The following GVQW3 variants were observed in gnomAD, a reference collection of about 807,000 sequenced individuals.
The protein encoded by GVQW3 is GVQW motif containing 3.
GVQW3 carries 7 observed loss-of-function variants against 12.5 expected under a neutral mutation model. That is an observed-to-expected ratio of 0.56 (90% CI 0.32 to 1.05). The LOEUF (loss-of-function observed/expected upper bound fraction) is 1.05. GVQW3 is among the 50% of genes least tolerant of loss of function. GVQW3 has a pLI of 0.04. For missense variants in GVQW3, 188 were observed against 190.8 expected, an observed-to-expected ratio of 0.99 and a Z score of 0.09; for synonymous variants, 71 against 67.2, an observed-to-expected ratio of 1.06 and a Z score of -0.28.
downstream of GVQW3, chr11:76,411,143 T>G (rs59406877): frequency 0.046 from 6,988 of 152,422 alleles, 202 homozygotes; most frequent in African/African-American, 0.073. Flanking sequence ...CTGGCTGTAC[T>G]GGCCCCAAGT....
intron 1 of GVQW3, chr11:76,389,833 C>T (rs1377693891): frequency 6.6e-6 from 1 of 152,236 alleles, no homozygotes; most frequent in East Asian, 1.9e-4. Context: ...TCCTCCCATA[C>T]TGGGACACTC....
chr11:76,413,889 A>G (rs1947098382), exon 2 of GVQW3: 1 of 152,188 alleles, frequency 6.6e-6, no homozygotes, highest in Admixed American at 6.5e-5. Context: ...ATGCTTTAAA[A>G]ATTGTATTTT....
chr11:76,411,596 G>A (rs764216176), downstream of GVQW3: 1 of 152,168 alleles, frequency 6.6e-6, no homozygotes, highest in Non-Finnish European at 1.5e-5. Context: ...TTCATCAAGG[G>A]TTAACCATAG....
chr11:76,384,714 C>A (rs1012828649), intron 1 of GVQW3, among the ~76,000 whole-genome samples: 3 of 152,226 alleles, frequency 2.0e-5, no homozygotes, highest in Admixed American at 6.5e-5. Context: ...CAAACAACAG[C>A]TTATAGACCT....
intron 1 of GVQW3, among the ~76,000 whole-genome samples, chr11:76,401,039 A>T (rs79233404): frequency 0.065 from 9,704 of 149,378 alleles, 575 homozygotes; most frequent in African/African-American, 0.16. Context: ...ATATATATAT[A>T]TATTTTTTCT....
At position 76,401,971 on chromosome 11, in the gene GVQW3, C is replaced by A. The variant is rs557444658; in HGVS notation, c.466-1689C>A. On this transcript the variant is annotated intron_variant, in intron 1 of 1. Transcript: ENST00000529331. ...TCAATCTTTCTTGCAACTTCTCTAA[C>A]GCCAGGATACAGCTTTTCCAGTCTC... Among the ~76,000 whole-genome samples, 7 of 152,190 alleles carry A rather than the reference C, an allele frequency of 4.6e-5. No homozygotes were observed. The East Asian group carries it at 1.4e-3, about 29-fold the overall frequency.
chr11:76,396,393 C>A (rs1336901179), intron 1 of GVQW3, among the ~76,000 whole-genome samples: 3 of 152,058 alleles, frequency 2.0e-5, no homozygotes, highest in Non-Finnish European at 4.4e-5. Context: ...CAGCTCACTG[C>A]AAACTACGCT....
intron 1 of GVQW3, among the ~76,000 whole-genome samples, chr11:76,397,035 C>T (rs1015547226): frequency 6.9e-5 from 7 of 102,100 alleles, no homozygotes; most frequent in Non-Finnish European, 1.1e-4. Flanking sequence ...GATGGAGTTT[C>T]GCTCTTGTTG....
rs1213622958 is a variant in GVQW3, at chr11:76,403,827, G to A, written c.*69G>A. 5 of 675,650 alleles carry A rather than the reference G, an allele frequency of 7.4e-6. No individual in the cohort carries two copies. Among genetic ancestry groups the A allele is most frequent in the Non-Finnish European group, 1.4e-5 (5 of 368,626 alleles). The allele number at this position is 675,650 out of a possible 1,614,324, so 41.9% of individuals were successfully genotyped here. On this transcript the variant is annotated 3_prime_UTR_variant, in exon 2 of 2. Transcript: ENST00000529331. ...CCAGTCTGAGTCCACAGGCCGAAGA[G>A]CGAGGAGTGCTGATGTACAAGGGCA...
Position 76,407,069 on chromosome 11 carries a change from T to C in GVQW3, c.*3311T>C, listed in dbSNP as rs1333670934. On this transcript the variant is annotated 3_prime_UTR_variant, in exon 2 of 2. Transcript: ENST00000529331. ...ATAAATATGCCCTCCCAGGTTGACA[T>C]CTTGGAAGAGGATAACTCTAAGTTT... The C allele has an allele frequency of 6.6e-6, 1 of 152,044 alleles. No individual in the cohort carries two copies. The highest frequency in any genetic ancestry group is 6.6e-5 in the Admixed American group (1 of 15,266). The allele number at this position is 152,044 out of a possible 1,614,324, so 9.4% of individuals were successfully genotyped here. A position where few individuals can be genotyped will look rare whatever the true frequency, so the allele number is the denominator to read the frequency against.
Position 76,404,478 on chromosome 11 carries a change from C to G in GVQW3, c.*720C>G, listed in dbSNP as rs1437823932. On this transcript the variant is annotated 3_prime_UTR_variant, in exon 2 of 2. Transcript: ENST00000529331. ...GGAGCAAATATTCTGAAAAAGATTCCTCCTGTTTCCTATGGGAGTAGACAG... is the reference window on the plus strand; with the variant it reads ...GGAGCAAATATTCTGAAAAAGATTCGTCCTGTTTCCTATGGGAGTAGACAG... The G allele has an allele frequency of 6.6e-6, 1 of 152,570 alleles. No homozygotes were observed. The highest frequency in any genetic ancestry group is 2.4e-5 in the African/African-American group (1 of 41,468). The allele number at this position is 152,570 out of a possible 1,614,324, so 9.5% of individuals were successfully genotyped here. A position where few individuals can be genotyped will look rare whatever the true frequency, so the allele number is the denominator to read the frequency against.
At chr11:76,390,665 A>T (rs1946882985) in intron 1 of GVQW3, among the ~76,000 whole-genome samples, 1 of 152,090 alleles carries the variant, frequency 6.6e-6, no homozygotes, top group Non-Finnish European at 1.5e-5. Flanking sequence ...CTACTAAAAA[A>T]ATACGAAAAA....
intron 1 of GVQW3, chr11:76,383,277 T>C (rs996245398): frequency 5.3e-5 from 8 of 152,242 alleles, no homozygotes; most frequent in African/African-American, 1.9e-4. Flanking sequence ...TAGTAACTAA[T>C]GCCTATAGTT....
chr11:76,388,382 C>G (rs982955441), intron 1 of GVQW3, among the ~76,000 whole-genome samples: 4 of 152,128 alleles, frequency 2.6e-5, no homozygotes, highest in African/African-American at 9.7e-5. Context: ...GTCTTTTCCC[C>G]TAGAGAGCTC....
At chr11:76,390,413 GTTCAT>G (rs1946880003) in intron 1 of GVQW3, among the ~76,000 whole-genome samples, 1 of 152,158 alleles carries the variant, frequency 6.6e-6, no homozygotes, top group African/African-American at 2.4e-5. Flanking sequence ...TGTTCATTTT[GTTCAT>G]TTCAACAATA....
chr11:76,411,551 A>T (rs1316214088), downstream of GVQW3: 1 of 152,224 alleles, frequency 6.6e-6, no homozygotes, highest in East Asian at 1.9e-4. Flanking sequence ...GTAAATATGT[A>T]TGAGGGTAAC....
intron 1 of GVQW3, chr11:76,392,286 AAG>A (rs1946900099): frequency 6.6e-6 from 1 of 152,260 alleles, no homozygotes; most frequent in South Asian, 2.1e-4. Context: ...CTTCTTATGT[AAG>A]AGAGCCTGGA....
chr11:76,389,683 C>A (rs974757320), intron 1 of GVQW3: 1 of 152,202 alleles, frequency 6.6e-6, no homozygotes, highest in Non-Finnish European at 1.5e-5. Context: ...TAAAATTAAC[C>A]TCCTTTGCAT....
In GVQW3 at chr11:76,406,349, G is replaced by A. The variant is rs1370338553; in HGVS notation, c.*2591G>A. 6.6e-6 allele frequency: 1 copy of A among 152,248 alleles called. No homozygotes were observed. Among genetic ancestry groups the A allele is most frequent in the Admixed American group, 6.5e-5 (1 of 15,270 alleles). 9.4% of individuals were successfully genotyped at this position (152,248 alleles called of 1,614,324 possible). A position where few individuals can be genotyped will look rare whatever the true frequency, so the allele number is the denominator to read the frequency against. Reference sequence around the variant, plus strand: ...AGTAACGATGAAGTCATGAGAGGAGGTTCAATAACTGTGTGCTAGAGTCAT... The same window carrying A: ...AGTAACGATGAAGTCATGAGAGGAGATTCAATAACTGTGTGCTAGAGTCAT... On this transcript the variant is annotated 3_prime_UTR_variant, in exon 2 of 2. Coordinates refer to ENST00000529331, the MANE Select transcript of GVQW3 (RefSeq NM_001347885.2).
Sources: gnomAD v4.1 joint callset for allele counts (sites outside exome capture counted in the v4.1 genomes callset) on GRCh38, gnomAD v4.1.1 for gene constraint, MANE v1.5 for transcripts, NCBI Gene and HGNC (gene_info 2026-07-23, HGNC 2026-07-21) for gene names.